Variants in KRT6A observed in about 807,000 individuals in gnomAD.
KRT6A encodes the protein keratin, type II cytoskeletal 6A.
KRT6A carries 28 observed loss-of-function variants against 48.6 expected under a neutral mutation model. The ratio of observed to expected loss-of-function variants is 0.58; its 90% CI spans 0.43 to 0.79. The LOEUF is 0.79. KRT6A is among the 30% of genes least tolerant of loss of function. The pLI, the probability that KRT6A is intolerant of heterozygous loss-of-function variation, is 0.00. For synonymous variants in KRT6A, 301 were observed against 294.2 expected, an observed-to-expected ratio of 1.02 and a Z score of -0.24; for missense variants, 687 against 724.3, an observed-to-expected ratio of 0.95 and a Z score of 0.59.
chr12:52,488,845 G>T (rs1037708539), intron 6 of KRT6A, among the ~76,000 whole-genome samples: 13 of 152,178 alleles, frequency 8.5e-5, no homozygotes, highest in African/African-American at 2.9e-4. Flanking sequence ...GGTTTGTTTG[G>T]AGTGTTGTCT....
chr12:52,487,555 T>C lies in KRT6A; in HGVS notation c.*165A>G, dbSNP rs1938165329. The C allele has an allele frequency of 1.3e-6, 1 of 779,622 alleles. No individual in the cohort carries two copies. Among genetic ancestry groups the C allele is most frequent in the African/African-American group, 1.8e-5 (1 of 57,108 alleles). The allele number at this position is 779,622 out of a possible 1,614,324, so 48.3% of individuals were successfully genotyped here. A position where few individuals can be genotyped will look rare whatever the true frequency, so the allele number is the denominator to read the frequency against. On this transcript the variant is annotated 3_prime_UTR_variant, in exon 9 of 9. Coordinates refer to ENST00000330722, the MANE Select transcript of KRT6A (RefSeq NM_005554.4). ...TGGTGAGCAATGGGTGCTCAGATGG[T>C]ATAGAGAGAGAGAGAAGAAGTGAGG... is the stretch of plus-strand genomic sequence containing the variant.
rs1244209640 is a variant in KRT6A, at chr12:52,493,118, C to T, written c.71G>A (p.Arg24Lys). ...GCCAGAGCGGCTGACCCCAGGGAGC[C>T]TGGCTGAGTTGGCACTGAAACCCCG... is the stretch of plus-strand genomic sequence containing the variant. ...SRRGFSANSA[R>K]LPGVSRSGFS... The change falls in exon 1 of 9, where the codon AGG becomes AAG. Residue 24 changes from arginine to lysine, a missense_variant. By Grantham distance (26) the Arg-to-Lys change is conservative (BLOSUM62 2). Coordinates refer to ENST00000330722, the MANE Select transcript of KRT6A (RefSeq NM_005554.4). 6.2e-7 allele frequency: 1 copy of T among 1,614,086 alleles called. No individual in the cohort carries two copies. The highest frequency in any genetic ancestry group is 8.5e-7 in the Non-Finnish European group (1 of 1,180,050).
At chr12:52,490,409 G>A in intron 5 of KRT6A, 160 bp downstream of exon 5, 1 of 1,299,782 alleles carries the variant, frequency 7.7e-7, no homozygotes, top group Non-Finnish European at 1.1e-6. Context: ...TTCTTGACTT[G>A]GGCATAAGTT....
In KRT6A at chr12:52,491,720, T is replaced by C; in HGVS notation, c.557A>G (p.Gln186Arg). 1 of 1,614,230 alleles carries C rather than the reference T, an allele frequency of 6.2e-7. No individual in the cohort carries two copies. Among genetic ancestry groups the C allele is most frequent in the Non-Finnish European group, 8.5e-7 (1 of 1,180,044 alleles). Residue 186 changes from glutamine (Q) to arginine (R), a missense_variant, in exon 2 of 9, where the codon CAG becomes CGG. By Grantham distance (43) the Gln-to-Arg change is conservative (BLOSUM62 1). Coordinates refer to ENST00000330722, the MANE Select transcript of KRT6A (RefSeq NM_005554.4). ...CTTTGTTTCCAGAACCTTGTTCTGC[T>C]GCTCCAGGAACCGCACCTGAAAGAG... ...SFIDKVRFLE[Q>R]QNKVLETKWT...
At chr12:52,488,927 A>T (rs1004133967) in intron 6 of KRT6A, among the ~76,000 whole-genome samples, 5 of 152,162 alleles carry the variant, frequency 3.3e-5, no homozygotes, top group African/African-American at 1.2e-4. Context: ...AATTAAGACC[A>T]TCCTGAAGTG....
Position 52,491,580 on chromosome 12 carries a change from C to A in KRT6A, c.697G>T (p.Gly233Cys), listed in dbSNP as rs1938265581. 6.2e-7 allele frequency: 1 copy of A among 1,614,022 alleles called. No individual in the cohort carries two copies. The highest frequency in any genetic ancestry group is 1.7e-5 in the Admixed American group (1 of 59,994). The change falls in exon 2 of 9, where the codon GGC becomes TGC. Residue 233 changes from glycine (G) to cysteine (C), a missense_variant. Physicochemically the swap from Gly to Cys is radical, Grantham distance 159. Around this residue, in one of 3 missense-constraint regions of KRT6A, gnomAD observed 566 missense variants for 565.3 expected, o/e 1.00. Transcript: ENST00000330722. ...RQLDSIVGERGRLDSELRGMQ... is the reference protein window; with the variant it reads ...RQLDSIVGERCRLDSELRGMQ... ...CCTCTGAGCTCTGAGTCCAGGCGGC[C>A]CCGTTCCCCGACAATGCTGTCCAGC...
At chr12:52,488,253 C>A in intron 7 of KRT6A, 75 bp downstream of exon 7, 1 of 1,613,670 alleles carries the variant, frequency 6.2e-7, no homozygotes, top group South Asian at 1.1e-5. Context: ...GGGCAGTGCA[C>A]CTTAAAGTTG....
Position 52,490,027 on chromosome 12 carries a change from G to A in KRT6A, c.1119C>T (p.Asp373=), listed in dbSNP as rs763812556. The A allele has an allele frequency of 1.9e-6, 3 of 1,613,862 alleles. No individual in the cohort carries two copies. The highest frequency in any genetic ancestry group is 4.5e-5 in the East Asian group (2 of 44,868). ...CAATCTCCTGCTTGGTGTTGCGCAGGTCGTCCCCATGTCTGCCTGCTGTGA... is the reference window on the plus strand; with the variant it reads ...CAATCTCCTGCTTGGTGTTGCGCAGATCGTCCCCATGTCTGCCTGCTGTGA... The part of the protein sequence containing the change: ...LQVTAGRHGD[D]LRNTKQEIAE... The change falls in exon 6 of 9, where the codon GAC becomes GAT. Residue 373 remains aspartate (D), a synonymous_variant. Coordinates refer to ENST00000330722, the MANE Select transcript of KRT6A (RefSeq NM_005554.4).
chr12:52,492,872 G>C lies in KRT6A; in HGVS notation c.317C>G (p.Ala106Gly), dbSNP rs1440511992. The change falls in exon 1 of 9, where the codon GCC (alanine) becomes GGC (glycine). Residue 106 changes from alanine (A) to glycine (G), a missense_variant. Transcript: ENST00000330722. ...AGSGFGFGGG[A>G]GIGFGLGGGA... ...ACCACCCAGACCAAAGCCAATGCCG[G>C]CTCCACCACCGAAACCAAATCCACT... 2.5e-6 allele frequency: 4 copies of C among 1,607,014 alleles called. No homozygotes were observed. Among genetic ancestry groups the C allele is most frequent in the African/African-American group, 2.7e-5 (2 of 74,108 alleles).
rs3204962 is a variant in KRT6A at position 52,487,553 on chromosome 12, G to T, written c.*167C>A. The T allele has an allele frequency of 0.11, 86,978 of 765,812 alleles. 5,650 individuals are homozygous for T. The highest frequency in any genetic ancestry group is 0.22 in the Admixed American group (8,297 of 38,452). The allele number at this position is 765,812 out of a possible 1,614,324, so 47.4% of individuals were successfully genotyped here. On this transcript the variant is annotated 3_prime_UTR_variant, in exon 9 of 9. Coordinates refer to ENST00000330722, the MANE Select transcript of KRT6A (RefSeq NM_005554.4). ...GATGGTGAGCAATGGGTGCTCAGAT[G>T]GTATAGAGAGAGAGAGAAGAAGTGA...
chr12:52,491,107 C>T lies in KRT6A; in HGVS notation c.816+5G>A. On this transcript the variant is annotated splice_donor_5th_base_variant and intron_variant, in intron 3 of 8. Transcript: ENST00000330722. ...GAATTTGAACCCCCGGCTTCATCTG[C>T]TCACCTTCTTCAGAGTCACAAATTC... 1 of 1,613,986 alleles carries T rather than the reference C, an allele frequency of 6.2e-7. No individual in the cohort carries two copies. Among genetic ancestry groups the T allele is most frequent in the Non-Finnish European group, 8.5e-7 (1 of 1,179,866 alleles).
intron 1 of KRT6A, 79 bp downstream of exon 1, chr12:52,492,570 G>C (rs1364786574): frequency 6.2e-7 from 1 of 1,611,858 alleles, no homozygotes; most frequent in Non-Finnish European, 8.5e-7. Flanking sequence ...CTCCCTCCTA[G>C]GTCTCCCTGG....
intron 6 of KRT6A, 121 bp from the exon 7 acceptor site, chr12:52,488,669 C>T: frequency 8.1e-7 from 1 of 1,240,720 alleles, no homozygotes; most frequent in Non-Finnish European, 1.1e-6. Context: ...TGAGCTCTGA[C>T]TCTTCCTATC....
At chr12:52,488,200 A>T in intron 7 of KRT6A, 97 bp from the exon 8 acceptor site, 1 of 1,613,356 alleles carries the variant, frequency 6.2e-7, no homozygotes, top group Non-Finnish European at 8.5e-7. Flanking sequence ...TCCATGGGAA[A>T]CTGCTCTTTT....
intron 4 of KRT6A, 62 bp from the exon 5 acceptor site, chr12:52,490,795 T>C: frequency 6.2e-7 from 1 of 1,614,068 alleles, no homozygotes; most frequent in South Asian, 1.1e-5. Context: ...TACCCAACCC[T>C]ATACATCTTC....
In KRT6A at chr12:52,488,597, G is replaced by A. The variant is rs569565690; in HGVS notation, c.1204-49C>T. The stretch of plus-strand genomic sequence containing the variant: ...AAACTTGTCATCCGGTCTTCCAGAG[G>A]AGACTAAACCTGGCTGGTTATTTCC... On this transcript the variant is annotated intron_variant, in intron 6 of 8. Coordinates refer to ENST00000330722, the MANE Select transcript of KRT6A (RefSeq NM_005554.4). 12 of 1,597,218 alleles carry A rather than the reference G, an allele frequency of 7.5e-6. No individual in the cohort carries two copies. In the East Asian group the frequency reaches 1.6e-4, roughly 21 times the overall value.
Position 52,492,829 on chromosome 12 carries a change from A to C in KRT6A, c.360T>G (p.Gly120=). 1.2e-6 allele frequency: 2 copies of C among 1,611,868 alleles called. No homozygotes were observed. The highest frequency in any genetic ancestry group is 2.2e-5 in the South Asian group (2 of 90,868). ...FGLGGGAGLA[G]GFGGPGFPVC... The stretch of plus-strand genomic sequence containing the variant: ...CAGGGAAGCCAGGGCCCCCAAAGCC[A>C]CCAGCAAGGCCGGCTCCACCACCCA... The change falls in exon 1 of 9, where the codon GGT becomes GGG. Residue 120 remains glycine (G), a synonymous_variant. Coordinates refer to ENST00000330722, the MANE Select transcript of KRT6A (RefSeq NM_005554.4).
chr12:52,490,155 G>A (rs1421511963), intron 5 of KRT6A, 87 bp from the exon 6 acceptor site: 51 of 1,610,260 alleles, frequency 3.2e-5, no homozygotes, highest in Non-Finnish European at 4.2e-5. Context: ...TGCATGTCAT[G>A]AAGTGGACCT....
rs748600865 is a variant in KRT6A at position 52,490,682 on chromosome 12, T to A, written c.964A>T (p.Met322Leu). Residue 322 changes from methionine to leucine, a missense_variant, in exon 5 of 9, where the codon ATG becomes TTG. Met to Leu is a conservative substitution (Grantham distance 15, BLOSUM62 2). Coordinates refer to ENST00000330722, the MANE Select transcript of KRT6A (RefSeq NM_005554.4). ...HISDTSVVLS[M>L]DNNRNLDLDS... ...AGGTCCAGGTTGCGGTTGTTGTCCATGGACAGCACCACAGATGTGTCTGAG... is the reference window on the plus strand; with the variant it reads ...AGGTCCAGGTTGCGGTTGTTGTCCAAGGACAGCACCACAGATGTGTCTGAG... 1 of 1,614,240 alleles carries A rather than the reference T, an allele frequency of 6.2e-7. No individual in the cohort carries two copies. The highest frequency in any genetic ancestry group is 1.7e-5 in the Admixed American group (1 of 60,028).
Sources: gnomAD v4.1 joint callset for allele counts (sites outside exome capture counted in the v4.1 genomes callset) on GRCh38, gnomAD v4.1.1 for gene constraint, gnomAD v4.1.1 regional missense constraint, MANE v1.5 for transcripts, NCBI Gene and HGNC (gene_info 2026-07-23, HGNC 2026-07-21) for gene names.